ADGRL3: variants seen among roughly 807,000 people sequenced by gnomAD.
ADGRL3 encodes calcium-independent alpha-latrotoxin receptor 3.
A neutral mutation model predicts 153.5 loss-of-function variants in ADGRL3; 62 were observed. The ratio of observed to expected loss-of-function variants is 0.40; its 90% CI spans 0.33 to 0.50. The LOEUF (loss-of-function observed/expected upper bound fraction) is 0.50. ADGRL3 is among the 20% of genes least tolerant of loss of function. The pLI, the probability that ADGRL3 is intolerant of heterozygous loss-of-function variation, is 0.47. For synonymous variants in ADGRL3, 710 were observed against 672.5 expected (o/e 1.06, Z -0.86); for missense variants, 1,641 against 1,859.4 (o/e 0.88, Z 2.16).
chr4:61,563,005 T>A (rs2098801812), intron 4 of ADGRL3, among the ~76,000 whole-genome samples: 1 of 151,568 alleles, frequency 6.6e-6, no homozygotes, highest in African/African-American at 2.4e-5. Flanking sequence ...CCAGAAGACT[T>A]GCAATCTACT....
intron 1 of ADGRL3, among the ~76,000 whole-genome samples, chr4:61,341,857 T>C (rs2095814248): frequency 6.6e-6 from 1 of 152,114 alleles, no homozygotes; most frequent in South Asian, 2.1e-4. Context: ...TGGTGGAGAA[T>C]ACATTTGTAA....
chr4:61,475,000 A>T (rs1026320635), intron 2 of ADGRL3, among the ~76,000 whole-genome samples: 2 of 152,164 alleles, frequency 1.3e-5, no homozygotes, highest in Admixed American at 6.6e-5. Flanking sequence ...TCACCAAAGA[A>T]TGTGTGCATC....
chr4:61,448,891 AAGGG>A (rs1429873070), intron 2 of ADGRL3, among the ~76,000 whole-genome samples: 5 of 111,418 alleles, frequency 4.5e-5, no homozygotes, highest in Admixed American at 9.0e-5. Context: ...AGGAAGGAAG[AAGGG>A]AGGGAGGGAG....
At chr4:61,790,699 G>C (rs970406112) in intron 8 of ADGRL3, among the ~76,000 whole-genome samples, 3 of 152,272 alleles carry the variant, frequency 2.0e-5, no homozygotes, top group Non-Finnish European at 1.5e-5. Flanking sequence ...GTATTAGACT[G>C]TTCTCATGCT....
rs563744486 is a variant in ADGRL3, at chr4:61,860,094, A to G, written c.1481-32562A>G. ...TGAAACAAAGCTTCTGCTGCAGGGC[A>G]TGCTTCAGAGTTCCTTGTAGACAGT... On this transcript the variant is annotated intron_variant, in intron 9 of 26. Transcript: ENST00000683033. Among the ~76,000 whole-genome samples the G allele has an allele frequency of 2.6e-5, 4 of 152,322 alleles. No homozygotes were observed. The South Asian group carries it at 6.2e-4, about 24-fold the overall frequency.
chr4:62,058,522 G>A (rs1433039158), intron 25 of ADGRL3, among the ~76,000 whole-genome samples: 1 of 151,194 alleles, frequency 6.6e-6, no homozygotes, highest in Non-Finnish European at 1.5e-5. Context: ...TTGGTGTAGA[G>A]CAGTGAAAAC....
At chr4:61,408,151 T>A (rs1199270023) in intron 2 of ADGRL3, among the ~76,000 whole-genome samples, 1 of 152,110 alleles carries the variant, frequency 6.6e-6, no homozygotes, top group Admixed American at 6.6e-5. Context: ...TCTAAGGCTG[T>A]CAGGGAAATC....
In ADGRL3 at chr4:62,076,293, C is replaced by T. The variant is rs1747120071; in HGVS notation, c.*5385C>T. The T allele has an allele frequency of 6.6e-6, 1 of 152,026 alleles. No individual in the cohort carries two copies. Among genetic ancestry groups the T allele is most frequent in the South Asian group, 2.1e-4 (1 of 4,828 alleles). 9.4% of individuals were successfully genotyped at this position (152,026 alleles called of 1,614,324 possible). On this transcript the variant is annotated 3_prime_UTR_variant, in exon 27 of 27. Coordinates refer to ENST00000683033, the MANE Select transcript of ADGRL3 (RefSeq NM_001387552.1). ...AATAGTATGTCAAAAGCATTGTTCT[C>T]ATTTGATAATTTGTGTCCCGTTACA...
chr4:61,679,890 C>T (rs1325186613), intron 6 of ADGRL3, among the ~76,000 whole-genome samples: 5 of 151,962 alleles, frequency 3.3e-5, no homozygotes, highest in Admixed American at 2.0e-4. Context: ...TTCATCAGTA[C>T]ATTAATGGCA....
chr4:61,665,197 G>GT (rs1309202708), intron 5 of ADGRL3, among the ~76,000 whole-genome samples: 1 of 152,120 alleles, frequency 6.6e-6, no homozygotes, highest in African/African-American at 2.4e-5. Context: ...GATAACCAGA[G>GT]GTTAAGAGTT....
chr4:61,905,567 A>G (rs529617141), intron 11 of ADGRL3, among the ~76,000 whole-genome samples: 1 of 152,108 alleles, frequency 6.6e-6, no homozygotes, highest in African/African-American at 2.4e-5. Context: ...CAAATTTATT[A>G]TACTCAGTCC....
At chr4:61,506,658 T>A (rs897935913) in intron 3 of ADGRL3, among the ~76,000 whole-genome samples, 1 of 152,076 alleles carries the variant, frequency 6.6e-6, no homozygotes, top group Non-Finnish European at 1.5e-5. Context: ...TTTGAAAAAA[T>A]TGAATAGTGA....
chr4:61,760,913 C>T (rs79196707), intron 8 of ADGRL3, among the ~76,000 whole-genome samples: 13,259 of 152,142 alleles, frequency 0.087, 1,234 homozygotes, highest in African/African-American at 0.23. Context: ...TCAGTCTCCC[C>T]AAGCATTTGG....
rs568509716 is a variant in ADGRL3 at position 61,839,128 on chromosome 4, A to G, written c.1480+25239A>G. Reference sequence around the variant, plus strand: ...ACTTATGTGGTAGTTTTAAATATGTATTGCTTTCTGTGGTATACTTTTTTA... The same window carrying G: ...ACTTATGTGGTAGTTTTAAATATGTGTTGCTTTCTGTGGTATACTTTTTTA... On this transcript the variant is annotated intron_variant, in intron 9 of 26. Transcript: ENST00000683033. 3.9e-5 allele frequency among the ~76,000 whole-genome samples: 6 copies of G among 152,236 alleles called. No individual in the cohort carries two copies. In the East Asian group the frequency reaches 1.2e-3, roughly 29 times the overall value.
chr4:62,055,751 CATT>C (rs1252637959), intron 25 of ADGRL3, among the ~76,000 whole-genome samples: 2 of 151,486 alleles, frequency 1.3e-5, no homozygotes, highest in Non-Finnish European at 3.0e-5. Flanking sequence ...TTGAACTAAT[CATT>C]GTTTGTACTT....
intron 25 of ADGRL3, among the ~76,000 whole-genome samples, chr4:62,066,266 A>T (rs894131294): frequency 1.3e-5 from 2 of 152,026 alleles, no homozygotes; most frequent in African/African-American, 4.8e-5. Context: ...CTCGGTATGT[A>T]CTGGAGTGGT....
chr4:61,699,678 T>C (rs1018764821), intron 6 of ADGRL3, among the ~76,000 whole-genome samples: 4 of 152,164 alleles, frequency 2.6e-5, no homozygotes, highest in African/African-American at 9.7e-5. Flanking sequence ...ACATTTTTGA[T>C]CTTATCTTTT....
chr4:61,903,793 G>T (rs2149740428), intron 11 of ADGRL3, among the ~76,000 whole-genome samples: 1 of 148,972 alleles, frequency 6.7e-6, no homozygotes, highest in South Asian at 2.1e-4. Flanking sequence ...ATTCATTAAA[G>T]ACAAGGTCTT....
At chr4:61,939,455 A>G (rs2098863761) in intron 15 of ADGRL3, among the ~76,000 whole-genome samples, 1 of 150,318 alleles carries the variant, frequency 6.7e-6, no homozygotes. Flanking sequence ...TGTAGACAAA[A>G]TTTGCCAGTT....
Sources: gnomAD v4.1 joint callset for allele counts (sites outside exome capture counted in the v4.1 genomes callset) on GRCh38, gnomAD v4.1.1 for gene constraint, MANE v1.5 for transcripts, NCBI Gene and HGNC (gene_info 2026-07-23, HGNC 2026-07-21) for gene names.